BRINP1: variants seen among roughly 807,000 people sequenced by gnomAD.
BRINP1 encodes BMP/retinoic acid inducible neural specific 1.
Under a neutral mutation model 72.9 loss-of-function variants are expected in BRINP1, and 17 were observed. The ratio of observed to expected loss-of-function variants is 0.23; its 90% CI spans 0.16 to 0.35. The LOEUF is 0.35. BRINP1 is among the 10% of genes least tolerant of loss of function. The pLI is 1.00. For synonymous variants in BRINP1, 418 were observed against 378.5 expected (o/e 1.10, Z -1.21); for missense variants, 850 against 1,001.6 (o/e 0.85, Z 2.04).
At chr9:119,311,369 T>C (rs1387907588) in intron 2 of BRINP1, among the ~76,000 whole-genome samples, 2 of 152,220 alleles carry the variant, frequency 1.3e-5, no homozygotes, top group East Asian at 1.9e-4. Context: ...AATCAACTTA[T>C]TGGATGATTG....
chr9:119,216,598 T>A (rs961121937), intron 5 of BRINP1, among the ~76,000 whole-genome samples: 9 of 152,226 alleles, frequency 5.9e-5, no homozygotes, highest in African/African-American at 2.2e-4. Context: ...GAGCCAAATT[T>A]ATTTTTAGCT....
chr9:119,327,914 A>T (rs965415113), intron 1 of BRINP1, among the ~76,000 whole-genome samples: 1 of 152,168 alleles, frequency 6.6e-6, no homozygotes, highest in Non-Finnish European at 1.5e-5. Flanking sequence ...TTGAGAGAAA[A>T]AAAAAAGAAG....
chr9:119,234,242 G>A (rs1830173101), intron 5 of BRINP1, among the ~76,000 whole-genome samples: 1 of 152,156 alleles, frequency 6.6e-6, no homozygotes, highest in South Asian at 2.1e-4. Flanking sequence ...TATAAGCAAT[G>A]TGCCTAAGTT....
At chr9:119,300,938 T>C (rs749513647) in intron 2 of BRINP1, among the ~76,000 whole-genome samples, 2 of 152,216 alleles carry the variant, frequency 1.3e-5, no homozygotes, top group Non-Finnish European at 2.9e-5. Flanking sequence ...CCACCAGCCA[T>C]TCCTCAATTT....
At chr9:119,224,173 G>T (rs1830068211) in intron 5 of BRINP1, among the ~76,000 whole-genome samples, 1 of 151,972 alleles carries the variant, frequency 6.6e-6, no homozygotes, top group African/African-American at 2.4e-5. Flanking sequence ...CTCTAGTTTG[G>T]CACTAGAAAA....
intron 2 of BRINP1, among the ~76,000 whole-genome samples, chr9:119,305,068 C>T (rs1830981138): frequency 6.6e-6 from 1 of 152,192 alleles, no homozygotes; most frequent in African/African-American, 2.4e-5. Flanking sequence ...TGAACCAAAA[C>T]ACGACCATGT....
intron 1 of BRINP1, among the ~76,000 whole-genome samples, chr9:119,349,617 T>C (rs531498179): frequency 1.1e-4 from 17 of 152,270 alleles, no homozygotes; most frequent in African/African-American, 4.1e-4. Context: ...TTTTTTTAAT[T>C]AAAAGTGAAG....
At chr9:119,252,796 C>T (rs1830406743) in intron 2 of BRINP1, among the ~76,000 whole-genome samples, 1 of 152,058 alleles carries the variant, frequency 6.6e-6, no homozygotes, top group Admixed American at 6.6e-5. Context: ...ATAGTAGAAC[C>T]AGTACCAGTA....
At chr9:119,362,307 G>A (rs1352348488) in intron 1 of BRINP1, among the ~76,000 whole-genome samples, 3 of 152,032 alleles carry the variant, frequency 2.0e-5, no homozygotes, top group East Asian at 3.9e-4. Flanking sequence ...ATAATATTCC[G>A]AATTAATGGA....
intron 5 of BRINP1, among the ~76,000 whole-genome samples, chr9:119,232,755 C>T (rs1048375363): frequency 6.6e-6 from 1 of 152,066 alleles, no homozygotes; most frequent in African/African-American, 2.4e-5. Flanking sequence ...ATTCTCTCTG[C>T]ATCCCTTTCC....
chr9:119,333,745 C>A (rs1257897920), intron 1 of BRINP1, among the ~76,000 whole-genome samples: 2 of 152,154 alleles, frequency 1.3e-5, no homozygotes, highest in East Asian at 1.9e-4. Flanking sequence ...TCCATCTATG[C>A]ATAAGAAAGG....
chr9:119,339,521 G>A (rs1311975794), intron 1 of BRINP1, among the ~76,000 whole-genome samples: 1 of 152,180 alleles, frequency 6.6e-6, no homozygotes, highest in African/African-American at 2.4e-5. Flanking sequence ...CATAGTGTAA[G>A]CTCAATACAT....
At chr9:119,198,611 A>G (rs751848260) in intron 7 of BRINP1, among the ~76,000 whole-genome samples, 12 of 152,122 alleles carry the variant, frequency 7.9e-5, no homozygotes, top group Non-Finnish European at 1.2e-4. Flanking sequence ...AAGTGTTGTC[A>G]TCAATTATTT....
intron 3 of BRINP1, among the ~76,000 whole-genome samples, chr9:119,243,445 G>A (rs565436135): frequency 1.3e-5 from 2 of 152,238 alleles, no homozygotes; most frequent in South Asian, 4.2e-4. Context: ...TCTTTATCCA[G>A]TCTATCATTG....
At chr9:119,184,083 G>C (rs529578665) in intron 7 of BRINP1, among the ~76,000 whole-genome samples, 77 of 152,180 alleles carry the variant, frequency 5.1e-4, no homozygotes, top group African/African-American at 1.3e-3. Context: ...CGAGCCACAG[G>C]GGGGGAGAAA....
At position 119,304,301 on chromosome 9, in the gene BRINP1, G is replaced by A. The variant is rs550044780; in HGVS notation, c.218+8837C>T. The stretch of plus-strand genomic sequence containing the variant: ...AAGCAACGTGCCTAAGATTTCACAG[G>A]TAGTAAGTGGCAGAACCAGGATTCA... On this transcript the variant is annotated intron_variant, in intron 2 of 7. Coordinates refer to ENST00000265922, the MANE Select transcript of BRINP1 (RefSeq NM_014618.3). Among the ~76,000 whole-genome samples, 5 of 152,296 alleles carry A rather than the reference G, an allele frequency of 3.3e-5. No homozygotes were observed. In the South Asian group the frequency reaches 1.0e-3, roughly 32 times the overall value.
intron 2 of BRINP1, among the ~76,000 whole-genome samples, chr9:119,288,604 A>T (rs908261839): frequency 6.6e-6 from 1 of 152,218 alleles, no homozygotes; most frequent in Non-Finnish European, 1.5e-5. Flanking sequence ...ATCTTAAAAA[A>T]GGGCCACACG....
intron 7 of BRINP1, among the ~76,000 whole-genome samples, chr9:119,176,001 C>T (rs1348422882): frequency 6.6e-6 from 1 of 152,218 alleles, no homozygotes; most frequent in Non-Finnish European, 1.5e-5. Flanking sequence ...CCTTCCTAAT[C>T]ATTCCCACCA....
chr9:119,188,370 T>C (rs1216435296), intron 7 of BRINP1, among the ~76,000 whole-genome samples: 2 of 152,100 alleles, frequency 1.3e-5, no homozygotes, highest in African/African-American at 2.4e-5. Flanking sequence ...AAACTTTCAA[T>C]CAAGAATATT....
Sources: allele counts gnomAD v4.1 joint callset (sites outside exome capture counted in the v4.1 genomes callset), GRCh38; gene constraint gnomAD v4.1.1; transcripts MANE v1.5; gene names NCBI Gene and HGNC (gene_info 2026-07-23, HGNC 2026-07-21).